Variants in KIAA0825 observed in about 807,000 individuals in gnomAD.
KIAA0825 encodes the protein KIAA0825.
Under a neutral mutation model 147.6 loss-of-function variants are expected in KIAA0825, and 119 were observed. The ratio of observed to expected loss-of-function variants is 0.81; its 90% CI spans 0.69 to 0.94. KIAA0825 has a LOEUF of 0.94. Among genes scored for constraint, KIAA0825 ranks in the 40% least tolerant of loss-of-function variants. The pLI is 0.00. For missense variants in KIAA0825, 1,381 were observed against 1,472.7 expected, an observed-to-expected ratio of 0.94 and a Z score of 1.02; for synonymous variants, 470 against 518.1, an observed-to-expected ratio of 0.91 and a Z score of 1.26.
chr5:94,291,214 C>T (rs1404082528), intron 20 of KIAA0825, among the ~76,000 whole-genome samples: 1 of 151,314 alleles, frequency 6.6e-6, no homozygotes, highest in East Asian at 1.9e-4. Context: ...TGCCTATGTC[C>T]TGGTTTTCTT....
chr5:94,363,014 C>G (rs1200725565), intron 20 of KIAA0825, among the ~76,000 whole-genome samples: 1 of 152,172 alleles, frequency 6.6e-6, no homozygotes, highest in Non-Finnish European at 1.5e-5. Context: ...AATGAACTTG[C>G]AGTTGTTCAT....
At chr5:94,615,546 T>G in intron 1 of KIAA0825, 1 of 152,262 alleles carries the variant, frequency 6.6e-6, no homozygotes, top group South Asian at 2.1e-4. Flanking sequence ...ATAATAATAC[T>G]TACCCACTGT....
rs1236208392 is a variant in KIAA0825, at chr5:94,614,925, T to G, written c.-153+3575A>C. 2.6e-5 allele frequency among the ~76,000 whole-genome samples: 4 copies of G among 152,218 alleles called. No homozygotes were observed. The East Asian group carries it at 7.7e-4, about 29-fold the overall frequency. ...AAGAAAAAGAATCAATATTTATTTA[T>G]CAGCAATTGTGTATCAGACAACACG... is the stretch of plus-strand genomic sequence containing the variant. On this transcript the variant is annotated intron_variant, in intron 1 of 20. Transcript: ENST00000682413.
Position 94,473,544 on chromosome 5 carries a change from C to T in KIAA0825, c.1228-25G>A, listed in dbSNP as rs1347108936. 5 of 1,396,324 alleles carry T rather than the reference C, an allele frequency of 3.6e-6. No homozygotes were observed. In the South Asian group the frequency reaches 5.0e-5, roughly 14 times the overall value. The allele number at this position is 1,396,324 out of a possible 1,614,324, so 86.5% of individuals were successfully genotyped here. On this transcript the variant is annotated intron_variant, in intron 7 of 20. Transcript: ENST00000682413. ...CCTGAAATATCAATGTATATGAAGTCATGTTAATCTTAACTCAGCAACAAA... is the reference window on the plus strand; with the variant it reads ...CCTGAAATATCAATGTATATGAAGTTATGTTAATCTTAACTCAGCAACAAA...
In KIAA0825 at chr5:94,156,987, T is replaced by C. The variant is rs999525113; in HGVS notation, c.3711-2863A>G. ...ATGCAAAAACAACAAGTCAATTCTGTTAAAAAAAAAATACTGAAAGAGAAA... is the reference window on the plus strand; with the variant it reads ...ATGCAAAAACAACAAGTCAATTCTGCTAAAAAAAAAATACTGAAAGAGAAA... On this transcript the variant is annotated intron_variant, in intron 20 of 20. Coordinates refer to ENST00000682413, the MANE Select transcript of KIAA0825 (RefSeq NM_001145678.3). Among the ~76,000 whole-genome samples the C allele has an allele frequency of 2.0e-5, 3 of 149,964 alleles. No individual in the cohort carries two copies. The East Asian group carries it at 5.8e-4, about 29-fold the overall frequency.
chr5:94,474,578 T>C (rs760532894), intron 7 of KIAA0825, among the ~76,000 whole-genome samples: 14 of 152,214 alleles, frequency 9.2e-5, no homozygotes, highest in Admixed American at 4.6e-4. Flanking sequence ...TTTTCTTATA[T>C]GTACAACTCA....
chr5:94,455,695 T>C (rs2150924376), intron 12 of KIAA0825, among the ~76,000 whole-genome samples: 1 of 152,168 alleles, frequency 6.6e-6, no homozygotes, highest in Admixed American at 6.6e-5. Context: ...TCAAAGGATG[T>C]AGAGGTGAGT....
intron 14 of KIAA0825, among the ~76,000 whole-genome samples, chr5:94,431,446 A>G (rs988656494): frequency 6.6e-6 from 1 of 152,200 alleles, no homozygotes; most frequent in African/African-American, 2.4e-5. Context: ...TAAAATGGTG[A>G]ACTATCCCTC....
chr5:94,221,944 C>T (rs768675766), intron 20 of KIAA0825, among the ~76,000 whole-genome samples: 10 of 152,116 alleles, frequency 6.6e-5, no homozygotes, highest in Non-Finnish European at 1.2e-4. Flanking sequence ...TTCTCACCCA[C>T]GCCTTTGCCC....
chr5:94,332,691 GC>G (rs1177521759), intron 20 of KIAA0825, among the ~76,000 whole-genome samples: 1 of 152,116 alleles, frequency 6.6e-6, no homozygotes, highest in East Asian at 1.9e-4. Flanking sequence ...ACATACGTGT[GC>G]ATGTGTCTTT....
intron 20 of KIAA0825, among the ~76,000 whole-genome samples, chr5:94,328,379 T>C (rs1227583634): frequency 1.3e-5 from 2 of 152,092 alleles, no homozygotes; most frequent in Non-Finnish European, 2.9e-5. Context: ...ATAGTATTTA[T>C]AGGCTAAAAT....
chr5:94,586,451 A>G (rs1783300423), intron 1 of KIAA0825, among the ~76,000 whole-genome samples: 1 of 152,248 alleles, frequency 6.6e-6, no homozygotes, highest in Admixed American at 6.5e-5. Context: ...AGAAATGGAT[A>G]AATTCCTGGA....
At chr5:94,586,562 C>T (rs962555921) in intron 1 of KIAA0825, among the ~76,000 whole-genome samples, 1 of 152,020 alleles carries the variant, frequency 6.6e-6, no homozygotes, top group Admixed American at 6.5e-5. Flanking sequence ...AGGCTACCAA[C>T]CAAAAAAACT....
At chr5:94,564,320 T>C (rs920401424) in intron 2 of KIAA0825, among the ~76,000 whole-genome samples, 1 of 144,940 alleles carries the variant, frequency 6.9e-6, no homozygotes, top group Admixed American at 7.0e-5. Flanking sequence ...CAAGGGATCC[T>C]CCCACCTCAG....
chr5:94,309,470 G>C (rs1778967593), intron 20 of KIAA0825, among the ~76,000 whole-genome samples: 2 of 151,574 alleles, frequency 1.3e-5, no homozygotes, highest in Admixed American at 1.3e-4. Context: ...CAAGCACACA[G>C]TTTCTGGTTA....
chr5:94,221,355 G>GC (rs1773653315), intron 20 of KIAA0825, among the ~76,000 whole-genome samples: 1 of 152,142 alleles, frequency 6.6e-6, no homozygotes, highest in Admixed American at 6.6e-5. Context: ...TTCTACAGTG[G>GC]CCTTGCAGAT....
chr5:94,617,697 C>G (rs957157266), intron 1 of KIAA0825, among the ~76,000 whole-genome samples: 8 of 152,164 alleles, frequency 5.3e-5, no homozygotes, highest in Non-Finnish European at 1.0e-4. Flanking sequence ...GAGAAGTCGC[C>G]AAGGTTCACT....
At chr5:94,517,270 T>C (rs148188046) in intron 5 of KIAA0825, among the ~76,000 whole-genome samples, 1 of 152,236 alleles carries the variant, frequency 6.6e-6, no homozygotes. Context: ...ACTTGGAAAA[T>C]ATTTACCTCT....
intron 20 of KIAA0825, among the ~76,000 whole-genome samples, chr5:94,282,696 G>A (rs2150156299): frequency 6.6e-6 from 1 of 152,102 alleles, no homozygotes. Flanking sequence ...AGACCAAGTT[G>A]CTTTTCTGCT....
Sources: gnomAD v4.1 joint callset for allele counts (sites outside exome capture counted in the v4.1 genomes callset) on GRCh38, gnomAD v4.1.1 for gene constraint, MANE v1.5 for transcripts, NCBI Gene and HGNC (gene_info 2026-07-23, HGNC 2026-07-21) for gene names.